Variants in GPR160 observed in about 807,000 individuals in gnomAD.
GPR160 encodes the protein G protein-coupled receptor 160, also known as probable G protein-coupled receptor 160.
GPR160 carries 2 observed loss-of-function variants against 2.6 expected under a neutral mutation model. That is an observed-to-expected ratio of 0.77 (90% CI 0.32 to 2.44). GPR160 has a LOEUF of 2.44. GPR160 is among the 30% of genes most tolerant of loss of function. The pLI is 0.11. For synonymous variants in GPR160, 130 were observed against 132.2 expected, an observed-to-expected ratio of 0.98 and a Z score of 0.12; for missense variants, 351 against 383.6, an observed-to-expected ratio of 0.91 and a Z score of 0.71.
intron 2 of GPR160, among the ~76,000 whole-genome samples, chr3:170,069,648 C>A: frequency 6.6e-6 from 1 of 152,090 alleles, no homozygotes; most frequent in East Asian, 1.9e-4. Context: ...CAGCCATTAA[C>A]CAGTGGTCGA....
At chr3:170,081,503 GTTATC>G (rs1166740354) in intron 3 of GPR160, among the ~76,000 whole-genome samples, 2 of 152,076 alleles carry the variant, frequency 1.3e-5, no homozygotes, top group African/African-American at 2.4e-5. Context: ...ACCTTAATAA[GTTATC>G]TTATGACAGA....
intron 2 of GPR160, among the ~76,000 whole-genome samples, chr3:170,065,213 C>T (rs1293231793): frequency 6.6e-6 from 1 of 152,120 alleles, no homozygotes; most frequent in Non-Finnish European, 1.5e-5. Context: ...ATTACAATTA[C>T]ATTTCCTTTC....
intron 2 of GPR160, chr3:170,062,618 C>T (rs1269176104): frequency 3.0e-6 from 4 of 1,345,042 alleles, no homozygotes; most frequent in Non-Finnish European, 4.2e-6. Flanking sequence ...ACTTCCAAAA[C>T]CTCCGGCCTC....
intron 2 of GPR160, among the ~76,000 whole-genome samples, chr3:170,053,206 T>C (rs1717034714): frequency 6.6e-6 from 1 of 152,208 alleles, no homozygotes; most frequent in Admixed American, 6.5e-5. Context: ...CAGAACTACA[T>C]TGAATCAACT....
rs978941568 is a variant in GPR160, at chr3:170,043,678, C to T, written c.-193+4635C>T. ...ACCTTTAGCAGGAAGCAGAGCAATA[C>T]GCCCAAGAATTGGGTAGTCTAGGCA... On this transcript the variant is annotated intron_variant, in intron 2 of 3. Transcript: ENST00000355897. Among the ~76,000 whole-genome samples, 12 of 152,144 alleles carry T rather than the reference C, an allele frequency of 7.9e-5. 1 individual carries two copies. The highest frequency in any genetic ancestry group is 7.2e-4 in the Admixed American group (11 of 15,270).
intron 2 of GPR160, among the ~76,000 whole-genome samples, chr3:170,060,499 A>G (rs1182488890): frequency 2.0e-5 from 3 of 152,236 alleles, no homozygotes; most frequent in Non-Finnish European, 4.4e-5. Context: ...GAGGTGGCTC[A>G]TGCCTATAAT....
At position 170,085,155 on chromosome 3, in the gene GPR160, G is replaced by C; in HGVS notation, c.*166G>C. The C allele has an allele frequency of 2.4e-6, 1 of 416,548 alleles. No individual in the cohort carries two copies. The highest frequency in any genetic ancestry group is 4.4e-6 in the Non-Finnish European group (1 of 228,510). The allele number at this position is 416,548 out of a possible 1,614,324, so 25.8% of individuals were successfully genotyped here. On this transcript the variant is annotated 3_prime_UTR_variant, in exon 4 of 4. Coordinates refer to ENST00000355897, the MANE Select transcript of GPR160 (RefSeq NM_014373.3). The stretch of plus-strand genomic sequence containing the variant: ...GCTATGATACCAGTTATTAAATAGT[G>C]TTTTATTTTAAAAACAAAATAATTC...
rs186242660 is a variant in GPR160, at chr3:170,071,620, C to T, written c.-192-8154C>T. Among the ~76,000 whole-genome samples, 294 of 148,614 alleles carry T rather than the reference C, an allele frequency of 2.0e-3. 5 individuals carry two copies. Among genetic ancestry groups the T allele is most frequent in the Admixed American group, 0.018 (262 of 14,422 alleles). ...CCAGCTAGCCAACATGGCAAAACCC[C>T]GTCTCTACTAAAAATACAAAAAAAA... On this transcript the variant is annotated intron_variant, in intron 2 of 3. Transcript: ENST00000355897.
intron 2 of GPR160, among the ~76,000 whole-genome samples, chr3:170,076,646 C>T (rs1712865447): frequency 6.6e-6 from 1 of 151,946 alleles, no homozygotes; most frequent in South Asian, 2.1e-4. Context: ...TAGGTCCAAG[C>T]GATTCTCCTG....
intron 3 of GPR160, among the ~76,000 whole-genome samples, chr3:170,082,494 G>C (rs896065371): frequency 1.3e-5 from 2 of 152,184 alleles, no homozygotes; most frequent in African/African-American, 2.4e-5. Context: ...ATGCTCAAAT[G>C]AAAGTGTGGG....
intron 2 of GPR160, among the ~76,000 whole-genome samples, chr3:170,056,592 G>A (rs1353548742): frequency 6.6e-6 from 1 of 152,212 alleles, no homozygotes; most frequent in Non-Finnish European, 1.5e-5. Context: ...TTAGAGGTCA[G>A]TCTGGGAACC....
At chr3:170,078,800 C>A (rs1328701796) in intron 2 of GPR160, among the ~76,000 whole-genome samples, 2 of 152,108 alleles carry the variant, frequency 1.3e-5, no homozygotes, top group African/African-American at 4.8e-5. Context: ...ACTCTTCAAT[C>A]AACAAAACCT....
intron 2 of GPR160, among the ~76,000 whole-genome samples, chr3:170,063,439 CA>C (rs967863644): frequency 6.6e-6 from 1 of 150,416 alleles, no homozygotes; most frequent in Non-Finnish European, 1.5e-5. Flanking sequence ...GAGGCTGAGG[CA>C]GGAGAATCGC....
intron 2 of GPR160, among the ~76,000 whole-genome samples, chr3:170,053,809 A>T (rs1009143600): frequency 1.3e-5 from 2 of 151,882 alleles, no homozygotes; most frequent in Non-Finnish European, 2.9e-5. Context: ...TGGTTGTTGA[A>T]TTTTTTCCAA....
Position 170,048,418 on chromosome 3 carries a change from AT to A in GPR160, c.-193+9383del, listed in dbSNP as rs201121054. Among the ~76,000 whole-genome samples, 537 of 152,252 alleles carry A rather than the reference AT, an allele frequency of 3.5e-3. 1 individual carries two copies. The highest frequency in any genetic ancestry group is 0.011 in the African/African-American group (466 of 41,546). On this transcript the variant is annotated intron_variant, in intron 2 of 3. Transcript: ENST00000355897. Reference sequence around the variant, plus strand: ...CTTGTACACCTAAAGCTATTAAAAAATTTTTTTTAAATAAAAAATCATTGTA... The same window carrying A: ...CTTGTACACCTAAAGCTATTAAAAAATTTTTTTAAATAAAAAATCATTGTA...
At chr3:170,041,298 ATTTTTTTT>A (rs764849488) in intron 2 of GPR160, among the ~76,000 whole-genome samples, 1 of 120,874 alleles carries the variant, frequency 8.3e-6, no homozygotes, top group Non-Finnish European at 1.7e-5. Flanking sequence ...GGATGTAAAG[ATTTTTTTT>A]TTTTTTTTTT....
chr3:170,065,270 A>G (rs1252457042), intron 2 of GPR160, among the ~76,000 whole-genome samples: 1 of 151,776 alleles, frequency 6.6e-6, no homozygotes, highest in African/African-American at 2.4e-5. Context: ...TTTTTTTTCT[A>G]TATACTTATC....
At chr3:170,071,479 C>T (rs1348990336) in intron 2 of GPR160, among the ~76,000 whole-genome samples, 3 of 152,104 alleles carry the variant, frequency 2.0e-5, no homozygotes, top group Admixed American at 6.6e-5. Flanking sequence ...GTGTAGCCTG[C>T]AGAACTCTTG....
chr3:170,061,673 T>G (rs1711964002), intron 2 of GPR160, among the ~76,000 whole-genome samples: 1 of 152,178 alleles, frequency 6.6e-6, no homozygotes, highest in South Asian at 2.1e-4. Flanking sequence ...TAACCATCAT[T>G]AACACTTTGG....
Sources: allele counts gnomAD v4.1 joint callset (sites outside exome capture counted in the v4.1 genomes callset), GRCh38; gene constraint gnomAD v4.1.1; transcripts MANE v1.5; gene names NCBI Gene and HGNC (gene_info 2026-07-23, HGNC 2026-07-21).